NIBAN1: variants seen among roughly 807,000 people sequenced by gnomAD.
The protein encoded by NIBAN1 is protein Niban 1.
Under a neutral mutation model 75.1 loss-of-function variants are expected in NIBAN1, and 81 were observed. That is an observed-to-expected ratio of 1.08 (90% confidence interval 0.90 to 1.30). NIBAN1 has a LOEUF of 1.30. NIBAN1 is among the 50% of genes most tolerant of loss of function. The pLI, the probability that NIBAN1 is intolerant of heterozygous loss-of-function variation, is 0.00. For missense variants in NIBAN1, 1,133 were observed against 1,128.1 expected (o/e 1.00, Z -0.06); for synonymous variants, 436 against 424.8 (o/e 1.03, Z -0.32).
chr1:184,927,028 T>C (rs1471359555), intron 1 of NIBAN1, among the ~76,000 whole-genome samples: 1 of 152,248 alleles, frequency 6.6e-6, no homozygotes, highest in Non-Finnish European at 1.5e-5. Flanking sequence ...AATATCTTTG[T>C]TAAATTTATC....
In NIBAN1 at chr1:184,809,552, A is replaced by G. The variant is rs898960331; in HGVS notation, c.1174-1317T>C. 3.3e-5 allele frequency among the ~76,000 whole-genome samples: 5 copies of G among 152,064 alleles called. No individual in the cohort carries two copies. The South Asian group carries it at 1.0e-3, about 32-fold the overall frequency. ...TGAGAAATGTACTTTCAACCTGGCT[A>G]TCTTGTCTTAGGAGAATATACTATA... On this transcript the variant is annotated intron_variant, in intron 9 of 13. Coordinates refer to ENST00000367511, the MANE Select transcript of NIBAN1 (RefSeq NM_052966.4).
At chr1:184,882,248 G>C (rs234658) in intron 5 of NIBAN1, among the ~76,000 whole-genome samples, 62,500 of 152,044 alleles carry the variant, frequency 0.41, 13,022 homozygotes, top group South Asian at 0.48. Flanking sequence ...TTAAGTGGCA[G>C]CTTGTGAAAG....
intron 5 of NIBAN1, chr1:184,867,838 A>G (rs1655998310): frequency 1.0e-6 from 1 of 985,006 alleles, no homozygotes. Flanking sequence ...ATCTAAGACA[A>G]TGTTCTGGAC....
chr1:184,820,669 G>A (rs986392688), intron 8 of NIBAN1, among the ~76,000 whole-genome samples: 3 of 152,232 alleles, frequency 2.0e-5, no homozygotes, highest in African/African-American at 7.2e-5. Context: ...AAGCCTTACT[G>A]AAGTGAAGGA....
At chr1:184,928,745 C>A (rs1319238853) in intron 1 of NIBAN1, among the ~76,000 whole-genome samples, 1 of 152,188 alleles carries the variant, frequency 6.6e-6, no homozygotes, top group East Asian at 1.9e-4. Flanking sequence ...GCCTCTCCCA[C>A]CCTCTTTGGT....
chr1:184,934,986 C>T (rs1263411703), intron 1 of NIBAN1, among the ~76,000 whole-genome samples: 1 of 152,202 alleles, frequency 6.6e-6, no homozygotes, highest in African/African-American at 2.4e-5. Context: ...AGGAGGATCA[C>T]TTAAGCCGGG....
intron 2 of NIBAN1, among the ~76,000 whole-genome samples, chr1:184,896,401 G>A (rs1173210831): frequency 6.6e-6 from 1 of 151,790 alleles, no homozygotes; most frequent in African/African-American, 2.4e-5. Flanking sequence ...TTTTTAATGG[G>A]GTTGTTTTTT....
chr1:184,937,999 G>A (rs1279187678), intron 1 of NIBAN1, among the ~76,000 whole-genome samples: 1 of 152,184 alleles, frequency 6.6e-6, no homozygotes, highest in African/African-American at 2.4e-5. Flanking sequence ...CAGGCCAGCC[G>A]AGGCAAAAGC....
At chr1:184,863,998 G>A (rs1445345033) in intron 5 of NIBAN1, among the ~76,000 whole-genome samples, 2 of 152,184 alleles carry the variant, frequency 1.3e-5, no homozygotes, top group South Asian at 2.1e-4. Flanking sequence ...TGCTAGTATT[G>A]TTACTTTCTA....
At position 184,792,920 on chromosome 1, in the gene NIBAN1, C is replaced by A. The variant is rs959046577; in HGVS notation, c.*2057G>T. ...AGACAAGAAGTAAACCTAATTTCAA[C>A]ACACCATGCTAAATGCCAGGATATG... On this transcript the variant is annotated 3_prime_UTR_variant, in exon 14 of 14. Coordinates refer to ENST00000367511, the MANE Select transcript of NIBAN1 (RefSeq NM_052966.4). 2.6e-5 allele frequency: 4 copies of A among 152,228 alleles called. No individual in the cohort carries two copies. Among genetic ancestry groups the A allele is most frequent in the Non-Finnish European group, 5.9e-5 (4 of 68,048 alleles). 9.4% of individuals were successfully genotyped at this position (152,228 alleles called of 1,614,324 possible).
At chr1:184,948,999 A>G (rs993810923) in intron 1 of NIBAN1, among the ~76,000 whole-genome samples, 5 of 152,086 alleles carry the variant, frequency 3.3e-5, no homozygotes, top group Non-Finnish European at 7.4e-5. Flanking sequence ...GGCTTTTAAT[A>G]TTTTTCCCTA....
At chr1:184,809,652 T>TAC (rs4011647) in intron 9 of NIBAN1, among the ~76,000 whole-genome samples, 2 of 145,808 alleles carry the variant, frequency 1.4e-5, no homozygotes, top group Non-Finnish European at 3.0e-5. Context: ...TATATATATA[T>TAC]ACACATATAT....
At chr1:184,931,615 T>C (rs1051459017) in intron 1 of NIBAN1, among the ~76,000 whole-genome samples, 1 of 152,240 alleles carries the variant, frequency 6.6e-6, no homozygotes, top group Admixed American at 6.5e-5. Context: ...TTCTGTATTT[T>C]ATTGCAAACA....
intron 2 of NIBAN1, among the ~76,000 whole-genome samples, chr1:184,898,140 C>T (rs1656852931): frequency 6.6e-6 from 1 of 152,212 alleles, no homozygotes; most frequent in Non-Finnish European, 1.5e-5. Flanking sequence ...CCTCCCTCCT[C>T]CCTTGCTCAC....
intron 1 of NIBAN1, among the ~76,000 whole-genome samples, chr1:184,922,203 T>C (rs901506742): frequency 3.3e-5 from 5 of 152,172 alleles, no homozygotes; most frequent in Non-Finnish European, 5.9e-5. Context: ...TCAGTATAAA[T>C]AGGGTAGCCA....
intron 3 of NIBAN1, among the ~76,000 whole-genome samples, chr1:184,891,709 T>C (rs1310934052): frequency 1.3e-5 from 2 of 152,136 alleles, no homozygotes; most frequent in East Asian, 3.9e-4. Flanking sequence ...GATTATCAAG[T>C]GAGAATGTTT....
At position 184,882,373 on chromosome 1, in the gene NIBAN1, C is replaced by T. The variant is rs545719009; in HGVS notation, c.601+2260G>A. 2.0e-3 allele frequency among the ~76,000 whole-genome samples: 310 copies of T among 152,136 alleles called. 1 individual carries two copies. The highest frequency in any genetic ancestry group is 3.7e-3 in the Non-Finnish European group (250 of 67,990). On this transcript the variant is annotated intron_variant, in intron 5 of 13. Transcript: ENST00000367511. Reference sequence around the variant, plus strand: ...ATGCTGTCAAAAACAGAAAAAGAGGCGAGAAAAGAAAGGTCTGCTCCTTGG... The same window carrying T: ...ATGCTGTCAAAAACAGAAAAAGAGGTGAGAAAAGAAAGGTCTGCTCCTTGG...
intron 5 of NIBAN1, among the ~76,000 whole-genome samples, chr1:184,859,958 A>G (rs1394936580): frequency 2.0e-5 from 3 of 152,222 alleles, no homozygotes; most frequent in Non-Finnish European, 2.9e-5. Flanking sequence ...AGTCAGAGCC[A>G]TGGGAAAGTG....
chr1:184,878,552 C>T (rs1484940098), intron 5 of NIBAN1, among the ~76,000 whole-genome samples: 1 of 152,126 alleles, frequency 6.6e-6, no homozygotes, highest in African/African-American at 2.4e-5. Flanking sequence ...AGCCTGTGGA[C>T]AAAATACCAA....
Sources: allele counts gnomAD v4.1 joint callset (sites outside exome capture counted in the v4.1 genomes callset), GRCh38; gene constraint gnomAD v4.1.1; transcripts MANE v1.5; gene names NCBI Gene and HGNC (gene_info 2026-07-23, HGNC 2026-07-21).